Variants in DPEP3 observed in about 807,000 individuals in gnomAD.
The protein encoded by DPEP3 is dipeptidase 3, also known as membrane-bound dipeptidase 3.
DPEP3 carries 42 observed loss-of-function variants against 47.5 expected under a neutral mutation model. That is an observed-to-expected ratio of 0.88 (90% CI 0.69 to 1.14). The LOEUF (loss-of-function observed/expected upper bound fraction) is 1.14, where lower values mean the gene tolerates loss of function less well. Among genes scored for constraint, DPEP3 ranks in the 50% most tolerant of loss-of-function variants. The probability of loss-of-function intolerance (pLI) is 0.00; values close to 1 mark genes in which losing one functional copy is unlikely to be tolerated. For synonymous variants in DPEP3, 276 were observed against 270.2 expected (o/e 1.02, Z -0.21); for missense variants, 560 against 635.0 (o/e 0.88, Z 1.27).
At chr16:67,976,294 C>T (rs975397455) in intron 8 of DPEP3, 66 bp from the exon 9 acceptor site, 10 of 1,595,766 alleles carry the variant, frequency 6.3e-6, no homozygotes, top group South Asian at 1.1e-5. Context: ...GCCCGCTGCC[C>T]ACCAGCCCTA....
rs1213215367 is a variant in DPEP3 at position 67,978,146 on chromosome 16, C to T, written c.686+121G>A. 1.4e-5 allele frequency: 22 copies of T among 1,578,988 alleles called. No homozygotes were observed. The highest frequency in any genetic ancestry group is 1.8e-5 in the Non-Finnish European group (21 of 1,152,866). On this transcript the variant is annotated intron_variant, in intron 4 of 9. Coordinates refer to ENST00000268793, the MANE Select transcript of DPEP3 (RefSeq NM_001370198.1). This position sits in a 1 kb window ranked among gnomAD's most constrained non-coding sequence, Gnocchi z 4.4. ...GCTTTCTGGGATTGTGAGGGACCCA[C>T]TGGGTGTCCAGCCTCCCTCTGCGGA...
chr16:67,977,839 C>G lies in DPEP3; in HGVS notation c.757-10G>C. 6.2e-7 allele frequency: 1 copy of G among 1,613,748 alleles called. No individual in the cohort carries two copies. The highest frequency in any genetic ancestry group is 8.5e-7 in the Non-Finnish European group (1 of 1,179,736). ...ACTCCTCTACTACTTTCTGCAGAAA[C>G]AATTAGGTTTTTTTGTGGGGGAGGG... is the stretch of plus-strand genomic sequence containing the variant. On this transcript the variant is annotated splice_polypyrimidine_tract_variant and intron_variant, in intron 5 of 9. Transcript: ENST00000268793.
intron 2 of DPEP3, 52 bp downstream of exon 2, chr16:67,979,587 C>A: frequency 6.2e-7 from 1 of 1,605,542 alleles, no homozygotes; most frequent in Non-Finnish European, 8.5e-7. Context: ...TTTCTGTGAC[C>A]CCAACATCCC....
chr16:67,979,917 T>C (rs1415865088), intron 1 of DPEP3, among the ~76,000 whole-genome samples, 152 bp from the exon 2 acceptor site: 1 of 152,046 alleles, frequency 6.6e-6, no homozygotes, highest in African/African-American at 2.4e-5. Context: ...GGGGGTTAGA[T>C]TCCACCAGGA....
At position 67,978,690 on chromosome 16, in the gene DPEP3, C is replaced by A; in HGVS notation, c.415-64G>T. ...GGTCTTCAACCCCCTAGGCCTGCCA[C>A]TCCTGCCTCAGACCCCATAACACCC... On this transcript the variant is annotated intron_variant, in intron 2 of 9. Coordinates refer to ENST00000268793, the MANE Select transcript of DPEP3 (RefSeq NM_001370198.1). The surrounding 1 kb of genome is among the most constrained non-coding windows in gnomAD (Gnocchi z 4.4). 1.3e-6 allele frequency: 2 copies of A among 1,592,296 alleles called. No homozygotes were observed.
chr16:67,979,526 C>G lies in DPEP3; in HGVS notation c.414+113G>C, dbSNP rs576891145. 6.8e-6 allele frequency: 10 copies of G among 1,470,624 alleles called. No individual in the cohort carries two copies. In the African/African-American group the frequency reaches 1.3e-4, roughly 18 times the overall value. The allele number at this position is 1,470,624 out of a possible 1,614,324, so 91.1% of individuals were successfully genotyped here. On this transcript the variant is annotated intron_variant, in intron 2 of 9. Coordinates refer to ENST00000268793, the MANE Select transcript of DPEP3 (RefSeq NM_001370198.1). ...ACTCTCCTTAGAAACCACATGATGG[C>G]ACACTGCATGCCCCATTGTATTTAG...
In DPEP3 at chr16:67,980,143, G is replaced by A; in HGVS notation, c.238C>T (p.Leu80Phe). ...TTPGTPKTLD[L>F]RGRAQALMRS... ...ATCAGGGCCTGCGCGCGACCCCGAA[G>A]GTCCAGGGTTTTGGGGGTGCCTGGC... Residue 80 changes from leucine to phenylalanine, a missense_variant, in exon 1 of 10, where the codon CTT (leucine) becomes TTT (phenylalanine). Physicochemically the swap from Leu to Phe is conservative, Grantham distance 22. Coordinates refer to ENST00000268793, the MANE Select transcript of DPEP3 (RefSeq NM_001370198.1). 5 of 1,612,912 alleles carry A rather than the reference G, an allele frequency of 3.1e-6. 1 individual carries two copies. The highest frequency in any genetic ancestry group is 4.5e-5 in the East Asian group (2 of 44,866).
At position 67,980,078 on chromosome 16, in the gene DPEP3, C is replaced by T. The variant is rs754956088; in HGVS notation, c.287+16G>A. ...GTGTGCTCACCCCGCGTTGCCCAAA[C>T]GCTGCACCTACATACCCGTCCACGA... On this transcript the variant is annotated intron_variant, in intron 1 of 9. Transcript: ENST00000268793. 1.1e-5 allele frequency: 17 copies of T among 1,599,702 alleles called. No individual in the cohort carries two copies. The South Asian group carries it at 1.6e-4, about 15-fold the overall frequency.
chr16:67,978,445 G>C lies in DPEP3; in HGVS notation c.545-37C>G. ...TAGAGAGTCAAGTGGTTAGATCCCA[G>C]GAACAGAACCTCCAGAGTGACATCC... On this transcript the variant is annotated intron_variant, in intron 3 of 9. Transcript: ENST00000268793. The surrounding 1 kb of genome is among the most constrained non-coding windows in gnomAD (Gnocchi z 4.4). The C allele has an allele frequency of 6.2e-7, 1 of 1,614,022 alleles. No homozygotes were observed. The highest frequency in any genetic ancestry group is 8.5e-7 in the Non-Finnish European group (1 of 1,179,892).
chr16:67,979,992 G>C, intron 1 of DPEP3, 102 bp downstream of exon 1: 2 of 1,459,062 alleles, frequency 1.4e-6, no homozygotes, highest in Non-Finnish European at 1.8e-6. Flanking sequence ...GGGGTGGTGT[G>C]AGGGAGCCTC....
At position 67,978,186 on chromosome 16, in the gene DPEP3, A is replaced by G; in HGVS notation, c.686+81T>C. 1 of 1,604,494 alleles carries G rather than the reference A, an allele frequency of 6.2e-7. No individual in the cohort carries two copies. Among genetic ancestry groups the G allele is most frequent in the Non-Finnish European group, 8.5e-7 (1 of 1,173,412 alleles). On this transcript the variant is annotated intron_variant, in intron 4 of 9. Transcript: ENST00000268793. The surrounding 1 kb of genome is among the most constrained non-coding windows in gnomAD (Gnocchi z 4.4). ...CCCTCTGCGGACCCCTTCATCCTCAACGGCTTGGTCACACCCATGCCAGGA... is the reference window on the plus strand; with the variant it reads ...CCCTCTGCGGACCCCTTCATCCTCAGCGGCTTGGTCACACCCATGCCAGGA...
chr16:67,980,096 G>T lies in DPEP3; in HGVS notation c.285C>A (p.Asp95Glu), dbSNP rs777421793. ...GCCCAAACGCTGCACCTACATACCC[G>T]TCCACGAGTGGGAAACTCCGCATCA... ...QALMRSFPLV[D>E]GHNDLPQVLR... The change falls in exon 1 of 10, where the codon GAC becomes GAA. Residue 95 changes from aspartate (D) to glutamate (E), a missense_variant and splice_region_variant. Asp to Glu is a conservative substitution (Grantham distance 45). Transcript: ENST00000268793. 2 of 1,609,776 alleles carry T rather than the reference G, an allele frequency of 1.2e-6. No homozygotes were observed. The highest frequency in any genetic ancestry group is 1.7e-6 in the Non-Finnish European group (2 of 1,178,144).
At chr16:67,976,916 G>T (rs1598243122) in intron 7 of DPEP3, 141 bp from the exon 8 acceptor site, 6 of 723,674 alleles carry the variant, frequency 8.3e-6, no homozygotes, top group Non-Finnish European at 1.4e-5. Flanking sequence ...GTACAGGCTG[G>T]TCACTGGACC....
In DPEP3 at chr16:67,978,703, C is replaced by A. The variant is rs982210068; in HGVS notation, c.415-77G>T. 40 of 1,566,830 alleles carry A rather than the reference C, an allele frequency of 2.6e-5. No homozygotes were observed. Among genetic ancestry groups the A allele is most frequent in the Non-Finnish European group, 3.2e-5 (37 of 1,152,220 alleles). ...CTAGGCCTGCCACTCCTGCCTCAGA[C>A]CCCATAACACCCATTTGGGTCAGTG... On this transcript the variant is annotated intron_variant, in intron 2 of 9. Coordinates refer to ENST00000268793, the MANE Select transcript of DPEP3 (RefSeq NM_001370198.1). This position sits in a 1 kb window ranked among gnomAD's most constrained non-coding sequence, Gnocchi z 4.4.
chr16:67,975,860 G>A lies in DPEP3; in HGVS notation c.1372C>T (p.Arg458Trp), dbSNP rs569305658. The A allele has an allele frequency of 2.5e-4, 404 of 1,613,868 alleles. 4 individuals are homozygous for A. The South Asian group carries it at 4.1e-3, about 16-fold the overall frequency. The stretch of plus-strand genomic sequence containing the variant: ...GCATTTGAGGACCTCCAGGGGACCC[G>A]ATTGGTTGGCTGCTTGGTCACCTCC... ...HLEVTKQPTN[R>W]VPWRSSNASP... Residue 458 changes from arginine (R) to tryptophan (W), a missense_variant, in exon 10 of 10, where the codon CGG (arginine) becomes TGG (tryptophan). Coordinates refer to ENST00000268793, the MANE Select transcript of DPEP3 (RefSeq NM_001370198.1).
At chr16:67,977,238 C>A (rs1183436288) in intron 7 of DPEP3, 32 bp downstream of exon 7, 1 of 1,606,588 alleles carries the variant, frequency 6.2e-7, no homozygotes, top group African/African-American at 1.3e-5. Flanking sequence ...ACAGCCCAAG[C>A]CAGCACTGCA....
chr16:67,976,615 G>T, intron 8 of DPEP3, 85 bp downstream of exon 8: 3 of 1,315,990 alleles, frequency 2.3e-6, no homozygotes, highest in Non-Finnish European at 3.2e-6. Flanking sequence ...CTGAGGCCTG[G>T]ATGGGAGGAC....
rs1003802864 is a variant in DPEP3 at position 67,978,168 on chromosome 16, C to A, written c.686+99G>T. 1 of 1,593,138 alleles carries A rather than the reference C, an allele frequency of 6.3e-7. No homozygotes were observed. Among genetic ancestry groups the A allele is most frequent in the Non-Finnish European group, 8.6e-7 (1 of 1,165,326 alleles). The stretch of plus-strand genomic sequence containing the variant: ...CCACTGGGTGTCCAGCCTCCCTCTG[C>A]GGACCCCTTCATCCTCAACGGCTTG... On this transcript the variant is annotated intron_variant, in intron 4 of 9. Coordinates refer to ENST00000268793, the MANE Select transcript of DPEP3 (RefSeq NM_001370198.1). The surrounding 1 kb of genome is among the most constrained non-coding windows in gnomAD (Gnocchi z 4.4).
In DPEP3 at chr16:67,980,114, C is replaced by T; in HGVS notation, c.267G>A (p.Arg89=). ...CATACCCGTCCACGAGTGGGAAACT[C>T]CGCATCAGGGCCTGCGCGCGACCCC... The part of the protein sequence containing the change: ...DLRGRAQALM[R]SFPLVDGHND... Residue 89 remains arginine, a synonymous_variant, in exon 1 of 10, where the codon CGG becomes CGA. Coordinates refer to ENST00000268793, the MANE Select transcript of DPEP3 (RefSeq NM_001370198.1). The T allele has an allele frequency of 6.2e-7, 1 of 1,612,128 alleles. No individual in the cohort carries two copies. Among genetic ancestry groups the T allele is most frequent in the Non-Finnish European group, 8.5e-7 (1 of 1,179,208 alleles).
Sources: allele counts gnomAD v4.1 joint callset (sites outside exome capture counted in the v4.1 genomes callset), GRCh38; gene constraint gnomAD v4.1.1; non-coding constraint Gnocchi (gnomAD v3.1); transcripts MANE v1.5; gene names NCBI Gene and HGNC (gene_info 2026-07-23, HGNC 2026-07-21).